The following DPP10 variants were observed in gnomAD, a reference collection of about 807,000 sequenced individuals.
The protein encoded by DPP10 is inactive dipeptidyl peptidase 10.
Under a neutral mutation model 120.9 loss-of-function variants are expected in DPP10, and 33 were observed. The observed-to-expected ratio is 0.27, with a 90% CI of 0.21 to 0.37. The LOEUF is 0.37. Ranked by LOEUF, DPP10 falls within the 10% of genes least tolerant of loss-of-function variation. DPP10 has a pLI of 1.00. For synonymous variants in DPP10, 337 were observed against 326.1 expected (o/e 1.03, Z -0.36); for missense variants, 816 against 942.8 (o/e 0.87, Z 1.76).
In DPP10 at chr2:114,669,056, A is replaced by G. The variant is rs187515564; in HGVS notation, c.60+226218A>G. 1.6e-3 allele frequency among the ~76,000 whole-genome samples: 248 copies of G among 152,266 alleles called. 3 individuals are homozygous for G. The highest frequency in any genetic ancestry group is 5.6e-3 in the African/African-American group (232 of 41,554). On this transcript the variant is annotated intron_variant, in intron 1 of 25. Coordinates refer to ENST00000410059, the MANE Select transcript of DPP10 (RefSeq NM_020868.6). ...TCATCCACTTAGTATTACTTAAAGCATAGTGATTAGCTCAAAACACGTTTG... is the reference window on the plus strand; with the variant it reads ...TCATCCACTTAGTATTACTTAAAGCGTAGTGATTAGCTCAAAACACGTTTG...
chr2:114,987,000 G>C (rs1309547443), intron 1 of DPP10, among the ~76,000 whole-genome samples: 1 of 151,800 alleles, frequency 6.6e-6, no homozygotes, highest in African/African-American at 2.4e-5. Flanking sequence ...GGCTTGTCTC[G>C]AACTCCTGAC....
chr2:115,239,296 C>G (rs1302530990), intron 1 of DPP10, among the ~76,000 whole-genome samples: 2 of 152,186 alleles, frequency 1.3e-5, no homozygotes, highest in Admixed American at 6.5e-5. Context: ...GGGAAAAATG[C>G]TATCAAACAG....
chr2:115,336,632 T>C (rs184437290), intron 2 of DPP10, among the ~76,000 whole-genome samples: 1 of 151,806 alleles, frequency 6.6e-6, no homozygotes, highest in East Asian at 1.9e-4. Flanking sequence ...CCTTATATTT[T>C]GTTACAGAAT....
intron 1 of DPP10, among the ~76,000 whole-genome samples, chr2:115,156,938 A>T (rs947393865): frequency 2.0e-5 from 3 of 152,210 alleles, no homozygotes; most frequent in Non-Finnish European, 4.4e-5. Context: ...CAAAGAGATG[A>T]TGGAAGGTTT....
intron 1 of DPP10, among the ~76,000 whole-genome samples, chr2:115,263,282 A>G (rs1337186889): frequency 1.3e-5 from 2 of 152,212 alleles, no homozygotes; most frequent in African/African-American, 2.4e-5. Context: ...CATAATGGGT[A>G]AAAGACTGCC....
intron 1 of DPP10, among the ~76,000 whole-genome samples, chr2:115,053,184 A>T (rs1174831127): frequency 6.6e-6 from 1 of 152,200 alleles, no homozygotes; most frequent in Non-Finnish European, 1.5e-5. Context: ...GAGCAGCATT[A>T]TTCACAGTAG....
chr2:115,766,140 A>G (rs1357666986), intron 12 of DPP10, among the ~76,000 whole-genome samples: 1 of 151,628 alleles, frequency 6.6e-6, no homozygotes, highest in African/African-American at 2.4e-5. Context: ...ACAGAGAACT[A>G]CATACATACA....
At chr2:114,575,679 T>C (rs1360378728) in intron 1 of DPP10, among the ~76,000 whole-genome samples, 1 of 152,238 alleles carries the variant, frequency 6.6e-6, no homozygotes, top group Non-Finnish European at 1.5e-5. Flanking sequence ...TCCGCTACTA[T>C]GTGCTGTCTC....
intron 1 of DPP10, among the ~76,000 whole-genome samples, chr2:115,188,922 A>G (rs867442191): frequency 5.3e-5 from 8 of 152,214 alleles, no homozygotes; most frequent in African/African-American, 9.7e-5. Context: ...ATTTTCTTTA[A>G]TAGTATTGTT....
At chr2:115,820,794 G>GGTGTGTGTGT (rs763942579) in intron 21 of DPP10, among the ~76,000 whole-genome samples, 5 of 112,740 alleles carry the variant, frequency 4.4e-5, no homozygotes, top group South Asian at 3.0e-4. Flanking sequence ...AGTATTCCAT[G>GGTGTGTGTGT]GTGTATGTGT....
intron 13 of DPP10, 21 bp downstream of exon 13, chr2:115,768,425 A>T (rs767998837): frequency 6.2e-7 from 1 of 1,602,616 alleles, no homozygotes; most frequent in African/African-American, 1.3e-5. Context: ...GCTTTTTTCC[A>T]TGTTTTGATT....
rs555476455 is a variant in DPP10, at chr2:115,374,871, C to A, written c.271+30959C>A. Among the ~76,000 whole-genome samples, 7 of 152,336 alleles carry A rather than the reference C, an allele frequency of 4.6e-5. 1 individual carries two copies. In the South Asian group the frequency reaches 1.4e-3, roughly 32 times the overall value. On this transcript the variant is annotated intron_variant, in intron 3 of 25. Transcript: ENST00000410059. Reference sequence around the variant, plus strand: ...TGCCACGTTCCAAGGCTGCACAGAGCAGCTGGCCCTTGGGCCTGGCCCAGG... The same window carrying A: ...TGCCACGTTCCAAGGCTGCACAGAGAAGCTGGCCCTTGGGCCTGGCCCAGG...
intron 1 of DPP10, among the ~76,000 whole-genome samples, chr2:114,684,728 G>A (rs1352243192): frequency 2.0e-5 from 3 of 151,920 alleles, no homozygotes; most frequent in Non-Finnish European, 2.9e-5. Context: ...GAAAGAGGTC[G>A]GTGGATGGAA....
intron 5 of DPP10, among the ~76,000 whole-genome samples, chr2:115,566,661 G>A (rs1325973259): frequency 6.6e-6 from 1 of 151,972 alleles, no homozygotes; most frequent in Admixed American, 6.6e-5. Flanking sequence ...AACATATCCT[G>A]CTCCAATTCA....
chr2:114,827,514 T>C (rs975597672), intron 1 of DPP10, among the ~76,000 whole-genome samples: 2 of 152,190 alleles, frequency 1.3e-5, no homozygotes, highest in Non-Finnish European at 2.9e-5. Context: ...TTAATAATTG[T>C]CTATATCTAG....
intron 1 of DPP10, among the ~76,000 whole-genome samples, chr2:115,135,103 C>G (rs1160796985): frequency 6.6e-6 from 1 of 151,914 alleles, no homozygotes; most frequent in African/African-American, 2.4e-5. Flanking sequence ...CAGGCAGGTA[C>G]TAAACTGATC....
chr2:115,448,954 C>T (rs2072864358), intron 3 of DPP10, among the ~76,000 whole-genome samples: 1 of 152,038 alleles, frequency 6.6e-6, no homozygotes, highest in Non-Finnish European at 1.5e-5. Flanking sequence ...CTTGTGGTCT[C>T]TCATACCTAG....
intron 1 of DPP10, among the ~76,000 whole-genome samples, chr2:114,501,097 A>G (rs1346214799): frequency 6.6e-6 from 1 of 152,206 alleles, no homozygotes; most frequent in African/African-American, 2.4e-5. Context: ...TTCTTTAGGA[A>G]GGATTATATA....
At chr2:115,604,000 GA>G (rs2083532624) in intron 5 of DPP10, among the ~76,000 whole-genome samples, 1 of 151,940 alleles carries the variant, frequency 6.6e-6, no homozygotes, top group Non-Finnish European at 1.5e-5. Flanking sequence ...TATAAAGGTA[GA>G]GTGGTAAACA....
Sources: allele counts gnomAD v4.1 joint callset (sites outside exome capture counted in the v4.1 genomes callset), GRCh38; gene constraint gnomAD v4.1.1; transcripts MANE v1.5; gene names NCBI Gene and HGNC (gene_info 2026-07-23, HGNC 2026-07-21).